The following ATP8B3 variants were observed in gnomAD, a reference collection of about 807,000 sequenced individuals.
ATP8B3 encodes the protein phospholipid-transporting ATPase IK.
In ATP8B3, 141 loss-of-function variants were observed where a neutral mutation model predicts 140.9. The observed-to-expected ratio is 1.00, with a 90% CI of 0.87 to 1.15. ATP8B3 has a LOEUF of 1.15. Ranked by LOEUF, ATP8B3 falls within the 50% of genes most tolerant of loss-of-function variation. The pLI is 0.00. For synonymous variants in ATP8B3, 765 were observed against 714.6 expected, an observed-to-expected ratio of 1.07 and a Z score of -1.13; for missense variants, 1,874 against 1,740.6, an observed-to-expected ratio of 1.08 and a Z score of -1.36.
chr19:1,802,762 A>C, intron 10 of ATP8B3, 117 bp from the exon 11 acceptor site: 1 of 1,270,758 alleles, frequency 7.9e-7, no homozygotes, highest in Non-Finnish European at 1.1e-6. Flanking sequence ...CTGTGCCCCA[A>C]ACTTGCCCTA....
chr19:1,796,857 T>G lies in ATP8B3; in HGVS notation c.1607A>C (p.Lys536Thr). 1 of 1,612,398 alleles carries G rather than the reference T, an allele frequency of 6.2e-7. No individual in the cohort carries two copies. Among genetic ancestry groups the G allele is most frequent in the South Asian group, 1.1e-5 (1 of 91,054 alleles). ...RPKENPYLWN[K>T]FADGKLLFHN... ...GAAGAGCAGCTTCCCGTCGGCGAAC[T>G]TGTTCCAGAGGTAGGGGTTCTCCTG... Residue 536 changes from lysine to threonine, a missense_variant, in exon 16 of 29, where the codon AAG (lysine) becomes ACG (threonine). Transcript: ENST00000310127.
rs1600388475 is a variant in ATP8B3 at position 1,785,691 on chromosome 19, C to T, written c.3171G>A (p.Gln1057=). Residue 1057 remains glutamine, a synonymous_variant, in exon 26 of 29, where the codon CAG becomes CAA. Coordinates refer to ENST00000310127, the MANE Select transcript of ATP8B3 (RefSeq NM_138813.4). ...GLFEQDVSAE[Q]SLEKPELYVV... is the part of the protein sequence containing the mutation. ...CGTACAGCTCCGGCTTCTCCAGGCT[C>T]TGCTCTGCGCTCACGTCCTTGGGGC... is the stretch of plus-strand genomic sequence containing the variant. 1 of 1,608,046 alleles carries T rather than the reference C, an allele frequency of 6.2e-7. No homozygotes were observed. The highest frequency in any genetic ancestry group is 8.5e-7 in the Non-Finnish European group (1 of 1,177,774).
At chr19:1,786,930 G>A (rs975945946) in intron 25 of ATP8B3, among the ~76,000 whole-genome samples, 173 bp downstream of exon 25, 4 of 152,182 alleles carry the variant, frequency 2.6e-5, no homozygotes, top group Non-Finnish European at 5.9e-5. Flanking sequence ...CGTAGGCTCC[G>A]GTGGGAGAAG....
chr19:1,802,028 A>C lies in ATP8B3; in HGVS notation c.1080T>G (p.Ile360Met). The part of the protein sequence containing the change: ...LVIYAGFDTK[I>M]MKNCGKIHLK... ...AATGGATCTTGCCACAGTTCTTCAT[A>C]ATTTTTGTGTCAAAACCTACAAACA... Residue 360 changes from isoleucine (I) to methionine (M), a missense_variant, in exon 12 of 29, where the codon ATT (isoleucine) becomes ATG (methionine). By Grantham distance (10) the Ile-to-Met change is conservative. Around this residue, in one of 3 missense-constraint regions of ATP8B3, gnomAD observed 1,032 missense variants for 963.6 expected, o/e 1.07. Transcript: ENST00000310127. 1 of 1,611,654 alleles carries C rather than the reference A, an allele frequency of 6.2e-7. No individual in the cohort carries two copies. Among genetic ancestry groups the C allele is most frequent in the Non-Finnish European group, 8.5e-7 (1 of 1,179,536 alleles).
intron 16 of ATP8B3, 82 bp downstream of exon 16, chr19:1,796,629 G>A (rs1043921140): frequency 6.0e-6 from 9 of 1,499,764 alleles, no homozygotes. Context: ...TGGAAGATGG[G>A]CCGGGTGAGC....
rs186856631 is a variant in ATP8B3 at position 1,784,649 on chromosome 19, G to A, written c.3660+170C>T. 1.1e-3 allele frequency among the ~76,000 whole-genome samples: 172 copies of A among 152,284 alleles called. 2 individuals are homozygous for A. Among genetic ancestry groups the A allele is most frequent in the South Asian group, 9.3e-3 (45 of 4,828 alleles). ...CTCCCTTCTTGGGAAATCGGGCCCCGGGGGCACTGGGCGTGTGTCCGGGGC... is the reference window on the plus strand; with the variant it reads ...CTCCCTTCTTGGGAAATCGGGCCCCAGGGGCACTGGGCGTGTGTCCGGGGC... On this transcript the variant is annotated intron_variant, in intron 28 of 28. Transcript: ENST00000310127.
At chr19:1,787,237 A>G (rs1172288447) in intron 24 of ATP8B3, 51 bp from the exon 25 acceptor site, 1 of 1,481,138 alleles carries the variant, frequency 6.8e-7, no homozygotes. Flanking sequence ...CAGGCACCCA[A>G]GGAGCCTGCC....
intron 24 of ATP8B3, 100 bp from the exon 25 acceptor site, chr19:1,787,286 T>G: frequency 4.2e-5 from 38 of 912,902 alleles, no homozygotes; most frequent in Non-Finnish European, 5.4e-5. Context: ...GAGGTAACTC[T>G]GGTCGAGTTA....
At chr19:1,788,143 T>G (rs1052786612) in intron 24 of ATP8B3, among the ~76,000 whole-genome samples, 1 of 152,188 alleles carries the variant, frequency 6.6e-6, no homozygotes, top group African/African-American at 2.4e-5. Context: ...TGATGGGAGC[T>G]CATTCCTTCT....
chr19:1,797,059 T>A, intron 14 of ATP8B3, 54 bp from the exon 15 acceptor site: 3 of 1,611,274 alleles, frequency 1.9e-6, no homozygotes, highest in East Asian at 2.2e-5. Context: ...CCATTCGGGA[T>A]CCCATAGCCC....
chr19:1,782,994 T>G lies in ATP8B3; in HGVS notation c.*34A>C. The G allele has an allele frequency of 1.9e-6, 3 of 1,573,880 alleles. No individual in the cohort carries two copies. The highest frequency in any genetic ancestry group is 2.3e-5 in the South Asian group (2 of 85,986). ...GACACCTGCCCCTGTGGCTGGTGCT[T>G]CTTCTTCCCCAGGAAGGACATCTTC... On this transcript the variant is annotated 3_prime_UTR_variant, in exon 29 of 29. Coordinates refer to ENST00000310127, the MANE Select transcript of ATP8B3 (RefSeq NM_138813.4).
At chr19:1,783,479 C>G (rs1390080542) in intron 28 of ATP8B3, among the ~76,000 whole-genome samples, 1 of 152,226 alleles carries the variant, frequency 6.6e-6, no homozygotes, top group Non-Finnish European at 1.5e-5. Context: ...TCAAGACCCA[C>G]TAATTGGCCT....
At position 1,800,196 on chromosome 19, in the gene ATP8B3, T is replaced by A; in HGVS notation, c.1344-41A>T. On this transcript the variant is annotated intron_variant, in intron 13 of 28. Transcript: ENST00000310127. This position sits in a 1 kb window ranked among gnomAD's most constrained non-coding sequence, Gnocchi z 4.4. Reference sequence around the variant, plus strand: ...GGGTCACGGTCAGCCCCGCCTGCTGTGTGCCATCCCCATGCCTCCCCGTTC... The same window carrying A: ...GGGTCACGGTCAGCCCCGCCTGCTGAGTGCCATCCCCATGCCTCCCCGTTC... 6.3e-7 allele frequency: 1 copy of A among 1,586,924 alleles called. No homozygotes were observed.
rs1208951406 is a variant in ATP8B3, at chr19:1,805,265, G to A, written c.904+109C>T. The A allele has an allele frequency of 4.5e-6, 5 of 1,110,118 alleles. No homozygotes were observed. The highest frequency in any genetic ancestry group is 6.7e-6 in the Non-Finnish European group (5 of 751,432). The allele number at this position is 1,110,118 out of a possible 1,614,324, so 68.8% of individuals were successfully genotyped here. The stretch of plus-strand genomic sequence containing the variant: ...GCTGGGATTCCAGGTGTGAGCCACT[G>A]GGCCTGGCCAGCACCTTGTTTTAAA... On this transcript the variant is annotated intron_variant, in intron 10 of 28. Coordinates refer to ENST00000310127, the MANE Select transcript of ATP8B3 (RefSeq NM_138813.4). This position sits in a 1 kb window ranked among gnomAD's most constrained non-coding sequence, Gnocchi z 5.2.
At chr19:1,788,694 C>G (rs745974621) in intron 24 of ATP8B3, among the ~76,000 whole-genome samples, 1 of 152,174 alleles carries the variant, frequency 6.6e-6, no homozygotes. Context: ...GTGTTGGGCA[C>G]AGAGCTAGAC....
chr19:1,806,607 C>T lies in ATP8B3; in HGVS notation c.677+21G>A. The T allele has an allele frequency of 2.6e-6, 4 of 1,553,030 alleles. No homozygotes were observed. Among genetic ancestry groups the T allele is most frequent in the Middle Eastern group, 3.3e-4 (2 of 5,996 alleles). ...GAGCCCCCGTGTCCCCGCGGATCCC[C>T]AGCTGCAGCCCCAGCCTCACCTCTT... On this transcript the variant is annotated intron_variant, in intron 7 of 28. Coordinates refer to ENST00000310127, the MANE Select transcript of ATP8B3 (RefSeq NM_138813.4). This position sits in a 1 kb window ranked among gnomAD's most constrained non-coding sequence, Gnocchi z 5.6.
chr19:1,803,354 T>C (rs1002000282), intron 10 of ATP8B3, among the ~76,000 whole-genome samples: 2 of 152,238 alleles, frequency 1.3e-5, no homozygotes, highest in East Asian at 1.9e-4. Flanking sequence ...CCTGACTCCA[T>C]CCTGGATGCA....
chr19:1,797,068 C>T, intron 14 of ATP8B3, 63 bp from the exon 15 acceptor site: 1 of 1,608,350 alleles, frequency 6.2e-7, no homozygotes, highest in Non-Finnish European at 8.5e-7. Context: ...ATCCCATAGC[C>T]CCTGACCCCT....
Position 1,794,568 on chromosome 19 carries a change from T to C in ATP8B3, c.2055+1307A>G, listed in dbSNP as rs1476760410. Among the ~76,000 whole-genome samples the C allele has an allele frequency of 6.6e-6, 1 of 152,008 alleles. No homozygotes were observed. Among genetic ancestry groups the C allele is most frequent in the Non-Finnish European group, 1.5e-5 (1 of 67,980 alleles). ...AGGGCTGGACCAGGGGGAGGCAGCC[T>C]GGGGTGATGACAGCCCCATGTTGGC... On this transcript the variant is annotated intron_variant, in intron 18 of 28. Transcript: ENST00000310127. The surrounding 1 kb of genome is among the most constrained non-coding windows in gnomAD (Gnocchi z 4.8).
Sources: allele counts gnomAD v4.1 joint callset (sites outside exome capture counted in the v4.1 genomes callset), GRCh38; gene constraint gnomAD v4.1.1; regional missense constraint gnomAD v4.1.1; non-coding constraint Gnocchi (gnomAD v3.1); transcripts MANE v1.5; gene names NCBI Gene and HGNC (gene_info 2026-07-23, HGNC 2026-07-21).